ADAMTS3: variants seen among roughly 807,000 people sequenced by gnomAD.
ADAMTS3 encodes A disintegrin and metalloproteinase with thrombospondin motifs 3.
Under a neutral mutation model 129.0 loss-of-function variants are expected in ADAMTS3, and 73 were observed. The observed-to-expected ratio is 0.57, with a 90% CI of 0.47 to 0.69. The LOEUF (loss-of-function observed/expected upper bound fraction) is 0.69, where lower values mean the gene tolerates loss of function less well. Ranked by LOEUF, ADAMTS3 falls within the 30% of genes least tolerant of loss-of-function variation. ADAMTS3 has a pLI of 0.00. For missense variants in ADAMTS3, 1,457 were observed against 1,514.5 expected, an observed-to-expected ratio of 0.96 and a Z score of 0.63; for synonymous variants, 477 against 510.8, an observed-to-expected ratio of 0.93 and a Z score of 0.89.
At chr4:72,284,066 T>G (rs1415722816) in intron 21 of ADAMTS3, among the ~76,000 whole-genome samples, 1 of 152,182 alleles carries the variant, frequency 6.6e-6, no homozygotes, top group African/African-American at 2.4e-5. Flanking sequence ...GCATCTGTAT[T>G]TTTATTTTAT....
At chr4:72,529,653 T>C (rs1176774100) in intron 3 of ADAMTS3, among the ~76,000 whole-genome samples, 3 of 129,542 alleles carry the variant, frequency 2.3e-5, no homozygotes, top group East Asian at 4.2e-4. Context: ...TACATTATAA[T>C]ATATATATAA....
At chr4:72,500,497 T>C (rs1351149113) in intron 3 of ADAMTS3, among the ~76,000 whole-genome samples, 1 of 152,170 alleles carries the variant, frequency 6.6e-6, no homozygotes, top group Non-Finnish European at 1.5e-5. Flanking sequence ...AAGTTCCCTA[T>C]AGATTCTGGA....
Position 72,504,951 on chromosome 4 carries a change from T to C in ADAMTS3, c.504+43527A>G, listed in dbSNP as rs72853056. Among the ~76,000 whole-genome samples the C allele has an allele frequency of 5.4e-3, 826 of 152,320 alleles. 13 individuals are homozygous for C. The highest frequency in any genetic ancestry group is 0.019 in the African/African-American group (787 of 41,572). On this transcript the variant is annotated intron_variant, in intron 3 of 21. Coordinates refer to ENST00000286657, the MANE Select transcript of ADAMTS3 (RefSeq NM_014243.3). ...CTTTTTAAGATGTTTATCTCTCCCTTCATTTCCCATATTGCTTTAGAAGAT... is the reference window on the plus strand; with the variant it reads ...CTTTTTAAGATGTTTATCTCTCCCTCCATTTCCCATATTGCTTTAGAAGAT...
At chr4:72,373,929 T>G (rs936888426) in intron 4 of ADAMTS3, among the ~76,000 whole-genome samples, 29 of 113,242 alleles carry the variant, frequency 2.6e-4, no homozygotes, top group African/African-American at 6.9e-4. Flanking sequence ...ATAATAATAA[T>G]AATAATAATA....
chr4:72,421,289 C>T (rs1380011751), intron 3 of ADAMTS3, among the ~76,000 whole-genome samples: 2 of 152,176 alleles, frequency 1.3e-5, no homozygotes, highest in Admixed American at 6.5e-5. Context: ...TAACTTTTTC[C>T]CTTCCAGCAT....
At chr4:72,310,412 AC>A (rs1302409866) in intron 14 of ADAMTS3, among the ~76,000 whole-genome samples, 8 of 152,092 alleles carry the variant, frequency 5.3e-5, no homozygotes, top group Non-Finnish European at 1.0e-4. Context: ...AAGCTCAATT[AC>A]TTTAGACTCA....
chr4:72,558,745 C>T (rs1466358273), intron 2 of ADAMTS3, among the ~76,000 whole-genome samples: 2 of 151,662 alleles, frequency 1.3e-5, no homozygotes, highest in African/African-American at 4.9e-5. Flanking sequence ...TAACTGCACA[C>T]CGATTTCCCT....
At chr4:72,355,368 T>C (rs1277212251) in intron 4 of ADAMTS3, among the ~76,000 whole-genome samples, 1 of 151,762 alleles carries the variant, frequency 6.6e-6, no homozygotes, top group Non-Finnish European at 1.5e-5. Context: ...GGGTGGAGGG[T>C]GCTCAAAGGT....
intron 16 of ADAMTS3, 73 bp from the exon 17 acceptor site, chr4:72,304,153 T>A: frequency 7.1e-7 from 1 of 1,412,180 alleles, no homozygotes; most frequent in Admixed American, 1.9e-5. Flanking sequence ...TCACAGCAAG[T>A]ATATCCTTTC....
At chr4:72,523,000 A>C (rs1720713171) in intron 3 of ADAMTS3, among the ~76,000 whole-genome samples, 1 of 152,146 alleles carries the variant, frequency 6.6e-6, no homozygotes, top group African/African-American at 2.4e-5. Flanking sequence ...TTATTTTTAG[A>C]CTAGTCTCTT....
chr4:72,561,375 G>T (rs946103536), intron 2 of ADAMTS3, among the ~76,000 whole-genome samples: 1 of 150,946 alleles, frequency 6.6e-6, no homozygotes, highest in Non-Finnish European at 1.5e-5. Context: ...AAGGAAATGG[G>T]GCCAGTGTAG....
rs35864003 is a variant in ADAMTS3, at chr4:72,283,534, A to C, written c.3220T>G (p.Ser1074Ala). ...GATCTAGGGAGGTCACTAGGGTTAGAGATGACATCATCATGAGTTTCAGCA... is the reference window on the plus strand; with the variant it reads ...GATCTAGGGAGGTCACTAGGGTTAGCGATGACATCATCATGAGTTTCAGCA... Reference protein sequence around the residue: ...EAAETHDDVISNPSDLPRSLV... With the variant: ...EAAETHDDVIANPSDLPRSLV... The change falls in exon 22 of 22, where the codon TCT (serine) becomes GCT (alanine). Residue 1074 changes from serine to alanine, a missense_variant. Coordinates refer to ENST00000286657, the MANE Select transcript of ADAMTS3 (RefSeq NM_014243.3). The C allele has an allele frequency of 6.2e-7, 1 of 1,614,070 alleles. No individual in the cohort carries two copies. The highest frequency in any genetic ancestry group is 1.1e-5 in the South Asian group (1 of 91,090).
chr4:72,497,429 T>C lies in ADAMTS3; in HGVS notation c.504+51049A>G, dbSNP rs142656085. Among the ~76,000 whole-genome samples, 269 of 152,002 alleles carry C rather than the reference T, an allele frequency of 1.8e-3. 3 individuals carry two copies. The highest frequency in any genetic ancestry group is 6.1e-3 in the African/African-American group (252 of 41,534). On this transcript the variant is annotated intron_variant, in intron 3 of 21. Coordinates refer to ENST00000286657, the MANE Select transcript of ADAMTS3 (RefSeq NM_014243.3). ...TAAACATACTCTTTTGGAGAACTTG[T>C]AAAACATTTTCCTATCTATTGCTTA... is the stretch of plus-strand genomic sequence containing the variant.
At chr4:72,495,115 T>C (rs1719843192) in intron 3 of ADAMTS3, among the ~76,000 whole-genome samples, 2 of 152,146 alleles carry the variant, frequency 1.3e-5, no homozygotes, top group Non-Finnish European at 2.9e-5. Flanking sequence ...ATGGTGTAAG[T>C]GTCTAAGGCC....
At chr4:72,506,322 C>T (rs1036606472) in intron 3 of ADAMTS3, among the ~76,000 whole-genome samples, 26 of 152,190 alleles carry the variant, frequency 1.7e-4, no homozygotes, top group African/African-American at 6.0e-4. Context: ...AGCAATGGCA[C>T]ATGCAGACCA....
At chr4:72,451,824 C>T (rs1407988272) in intron 3 of ADAMTS3, among the ~76,000 whole-genome samples, 2 of 151,790 alleles carry the variant, frequency 1.3e-5, no homozygotes, top group African/African-American at 4.8e-5. Flanking sequence ...AGGCCAGGCA[C>T]AGTGGCTCAC....
In ADAMTS3 at chr4:72,410,706, A is replaced by T. The variant is rs148356207; in HGVS notation, c.661+4109T>A. On this transcript the variant is annotated intron_variant, in intron 4 of 21. Coordinates refer to ENST00000286657, the MANE Select transcript of ADAMTS3 (RefSeq NM_014243.3). ...TTACATGAGTTTAGACAAATGATTG[A>T]TTTAATAGTAGAGGTGAAATTTATG... 1.6e-3 allele frequency among the ~76,000 whole-genome samples: 251 copies of T among 152,270 alleles called. 1 individual carries two copies. Among genetic ancestry groups the T allele is most frequent in the African/African-American group, 5.7e-3 (238 of 41,570 alleles).
At chr4:72,341,034 C>A (rs1029023747) in intron 4 of ADAMTS3, among the ~76,000 whole-genome samples, 4 of 152,128 alleles carry the variant, frequency 2.6e-5, no homozygotes, top group Non-Finnish European at 5.9e-5. Context: ...CCATTTGAGT[C>A]AGCATCTGAC....
chr4:72,493,136 A>G (rs1719789450), intron 3 of ADAMTS3, among the ~76,000 whole-genome samples: 2 of 152,004 alleles, frequency 1.3e-5, no homozygotes, highest in East Asian at 1.9e-4. Flanking sequence ...TATAGACAAC[A>G]TATCACCAAA....
Sources: allele counts gnomAD v4.1 joint callset (sites outside exome capture counted in the v4.1 genomes callset), GRCh38; gene constraint gnomAD v4.1.1; transcripts MANE v1.5; gene names NCBI Gene and HGNC (gene_info 2026-07-23, HGNC 2026-07-21).